TSPEAR: variants seen among roughly 807,000 people sequenced by gnomAD.
The protein encoded by TSPEAR is thrombospondin type laminin G domain and EAR repeats, also known as thrombospondin-type laminin G domain and EAR repeat-containing protein.
Under a neutral mutation model 71.6 loss-of-function variants are expected in TSPEAR, and 69 were observed. That is an observed-to-expected ratio of 0.96 (90% CI 0.79 to 1.18). The LOEUF is 1.18. TSPEAR is among the 50% of genes most tolerant of loss of function. The pLI is 0.00. For missense variants in TSPEAR, 971 were observed against 894.9 expected (o/e 1.09, Z -1.09); for synonymous variants, 402 against 387.2 (o/e 1.04, Z -0.45).
intron 1 of TSPEAR, among the ~76,000 whole-genome samples, chr21:44,705,177 T>G (rs1987851606): frequency 6.6e-6 from 1 of 152,244 alleles, no homozygotes; most frequent in Non-Finnish European, 1.5e-5. Flanking sequence ...AAACATAAAT[T>G]GTAAAGATTT....
intron 11 of TSPEAR, among the ~76,000 whole-genome samples, chr21:44,503,778 C>T (rs1440367606): frequency 8.8e-6 from 1 of 113,794 alleles, no homozygotes; most frequent in Admixed American, 9.2e-5. Flanking sequence ...GGAAGCAAGG[C>T]TCTGGGAGGA....
chr21:44,708,118 T>C (rs1161827741), intron 1 of TSPEAR, among the ~76,000 whole-genome samples: 1 of 151,488 alleles, frequency 6.6e-6, no homozygotes, highest in Non-Finnish European at 1.5e-5. Context: ...GGAGTGCAAG[T>C]GTGCGCTGGG....
chr21:44,599,116 G>A (rs887689753), intron 1 of TSPEAR, among the ~76,000 whole-genome samples: 1 of 77,278 alleles, frequency 1.3e-5, no homozygotes, highest in Non-Finnish European at 3.3e-5. Context: ...GTCCCATATG[G>A]AAGCAGAGGC....
chr21:44,614,431 C>A (rs1319599762), intron 1 of TSPEAR, among the ~76,000 whole-genome samples: 1 of 152,232 alleles, frequency 6.6e-6, no homozygotes, highest in Non-Finnish European at 1.5e-5. Context: ...GGCTCCCTTG[C>A]AGACAGGGAG....
chr21:44,525,681 G>A lies in TSPEAR; in HGVS notation c.1308C>T (p.His436=). Residue 436 remains histidine (H), a synonymous_variant, in exon 8 of 12, where the codon CAC becomes CAT. Transcript: ENST00000323084. Reference sequence around the variant, plus strand: ...CCCGGTGGTTGGCCACCGCCAGGAAGTGCTCCCCATCCACCTCGAAGGCCT... The same window carrying A: ...CCCGGTGGTTGGCCACCGCCAGGAAATGCTCCCCATCCACCTCGAAGGCCT... ...DWEAFEVDGE[H]FLAVANHREG... 6.2e-7 allele frequency: 1 copy of A among 1,614,158 alleles called. No homozygotes were observed. Among genetic ancestry groups the A allele is most frequent in the South Asian group, 1.1e-5 (1 of 91,078 alleles).
intron 2 of TSPEAR, among the ~76,000 whole-genome samples, chr21:44,553,601 G>GA (rs201099630): frequency 6.6e-5 from 10 of 150,974 alleles, no homozygotes; most frequent in African/African-American, 1.7e-4. Context: ...TTGCTAGGGA[G>GA]AAAAAAAAAT....
chr21:44,603,554 C>T (rs977048697), intron 1 of TSPEAR, among the ~76,000 whole-genome samples: 10 of 152,222 alleles, frequency 6.6e-5, no homozygotes, highest in South Asian at 4.1e-4. Flanking sequence ...ACGCCCCCCA[C>T]GCCCCGGGTG....
intron 8 of TSPEAR, among the ~76,000 whole-genome samples, chr21:44,524,637 ATCAG>A (rs1482570961): frequency 6.6e-6 from 1 of 152,018 alleles, no homozygotes; most frequent in Non-Finnish European, 1.5e-5. Context: ...GTAGTCAGTC[ATCAG>A]TCAGTTAGGT....
At chr21:44,573,777 G>A (rs1555923040) in intron 1 of TSPEAR, 8 of 1,613,784 alleles carry the variant, frequency 5.0e-6, no homozygotes, top group Admixed American at 3.3e-5. Flanking sequence ...CTGCTCCAGC[G>A]ACCTGAGCTA....
At chr21:44,628,811 C>T (rs1214570428) in intron 1 of TSPEAR, among the ~76,000 whole-genome samples, 3 of 152,312 alleles carry the variant, frequency 2.0e-5, no homozygotes, top group African/African-American at 4.8e-5. Context: ...AGAGCTTGGC[C>T]ATCCTGGCCT....
chr21:44,524,743 AATCAG>A (rs2052813326), intron 8 of TSPEAR, among the ~76,000 whole-genome samples: 2 of 151,228 alleles, frequency 1.3e-5, no homozygotes, highest in African/African-American at 4.9e-5. Context: ...ACAGTCAGTC[AATCAG>A]TCAGTAAGGT....
At chr21:44,660,949 A>AAAAGAAAAG (rs1985454300) in intron 1 of TSPEAR, among the ~76,000 whole-genome samples, 1 of 152,020 alleles carries the variant, frequency 6.6e-6, no homozygotes. Flanking sequence ...CCTGGGAACA[A>AAAAGAAAAG]AAAGAAAAGA....
intron 9 of TSPEAR, chr21:44,516,639 TG>T (rs2052581261): frequency 6.6e-6 from 1 of 152,158 alleles, no homozygotes; most frequent in Non-Finnish European, 1.5e-5. Flanking sequence ...CTTACGGTAA[TG>T]TCAGCCCCCA....
At position 44,498,674 on chromosome 21, in the gene TSPEAR, A is replaced by G. The variant is rs1170786136; in HGVS notation, c.*1109T>C. ...TTGTCCACAGTTCTGATTGGCGGAA[A>G]AAGCACATTGTAAACTCTCTGAGGA... On this transcript the variant is annotated 3_prime_UTR_variant, in exon 12 of 12. Transcript: ENST00000323084. 2 of 152,282 alleles carry G rather than the reference A, an allele frequency of 1.3e-5. No homozygotes were observed. The highest frequency in any genetic ancestry group is 4.8e-5 in the African/African-American group (2 of 41,470). 9.4% of individuals were successfully genotyped at this position (152,282 alleles called of 1,614,324 possible).
intron 2 of TSPEAR, among the ~76,000 whole-genome samples, chr21:44,541,083 T>A (rs988903165): frequency 7.2e-5 from 11 of 152,068 alleles, no homozygotes; most frequent in Non-Finnish European, 1.6e-4. Context: ...TCATCAGTAT[T>A]TCTGCACCAC....
chr21:44,506,108 C>T lies in TSPEAR; in HGVS notation c.1755-1227G>A, dbSNP rs1197780558. Among the ~76,000 whole-genome samples, 2 of 152,234 alleles carry T rather than the reference C, an allele frequency of 1.3e-5. No individual in the cohort carries two copies. Among genetic ancestry groups the T allele is most frequent in the Non-Finnish European group, 2.9e-5 (2 of 68,042 alleles). On this transcript the variant is annotated intron_variant, in intron 10 of 11. Coordinates refer to ENST00000323084, the MANE Select transcript of TSPEAR (RefSeq NM_144991.3). The surrounding 1 kb of genome is among the most constrained non-coding windows in gnomAD (Gnocchi z 4.2). ...ACAGGACCTGCAGGACCTGCTCGTTCACAGATGTTCTCCTAGAAGCAGAAG... is the reference window on the plus strand; with the variant it reads ...ACAGGACCTGCAGGACCTGCTCGTTTACAGATGTTCTCCTAGAAGCAGAAG...
rs587643192 is a variant in TSPEAR, at chr21:44,512,735, G to A, written c.1567-3349C>T. On this transcript the variant is annotated intron_variant, in intron 9 of 11. Coordinates refer to ENST00000323084, the MANE Select transcript of TSPEAR (RefSeq NM_144991.3). ...CAAACTTTGAGTTGCATCTTGGTTG[G>A]AGCCCAAGGTGGGGCGTGTATTTGT... is the stretch of plus-strand genomic sequence containing the variant. Among the ~76,000 whole-genome samples, 786 of 152,130 alleles carry A rather than the reference G, an allele frequency of 5.2e-3. 10 individuals carry two copies. The highest frequency in any genetic ancestry group is 0.018 in the African/African-American group (752 of 41,502).
chr21:44,650,452 G>C (rs9284509), intron 1 of TSPEAR, among the ~76,000 whole-genome samples: 78 of 11,246 alleles, frequency 6.9e-3, no homozygotes, highest in Non-Finnish European at 8.7e-3. Flanking sequence ...GTGACGACGG[G>C]GGCAGAGATT....
chr21:44,598,411 G>A (rs1270959667), intron 1 of TSPEAR, among the ~76,000 whole-genome samples: 1 of 152,138 alleles, frequency 6.6e-6, no homozygotes, highest in Non-Finnish European at 1.5e-5. Flanking sequence ...CAGCCATATG[G>A]GAGACACCCT....
Sources: gnomAD v4.1 joint callset for allele counts (sites outside exome capture counted in the v4.1 genomes callset) on GRCh38, gnomAD v4.1.1 for gene constraint, Gnocchi (gnomAD v3.1) non-coding constraint, MANE v1.5 for transcripts, NCBI Gene and HGNC (gene_info 2026-07-23, HGNC 2026-07-21) for gene names.